PHKA1: variants seen among roughly 807,000 people sequenced by gnomAD.
PHKA1 encodes the protein phosphorylase kinase regulatory subunit alpha 1, also known as phosphorylase b kinase regulatory subunit alpha, skeletal muscle isoform.
Under a neutral mutation model 110.2 loss-of-function variants are expected in PHKA1, and 60 were observed. The observed-to-expected ratio is 0.54, with a 90% CI of 0.44 to 0.68. PHKA1 has a LOEUF of 0.68. PHKA1 is among the 30% of genes least tolerant of loss of function. The pLI is 0.00. For synonymous variants in PHKA1, 316 were observed against 333.6 expected (o/e 0.95, Z 0.58); for missense variants, 801 against 942.5 (o/e 0.85, Z 1.97).
At chrX:72,611,902 T>C (rs2052815424) in intron 21 of PHKA1, among the ~76,000 whole-genome samples, 4 of 111,872 alleles carry the variant, frequency 3.6e-5, no homozygotes, top group Non-Finnish European at 7.5e-5. Flanking sequence ...ATTGAAAATA[T>C]TTAAAAACAG....
At chrX:72,643,516 T>G (rs1250110161) in intron 14 of PHKA1, among the ~76,000 whole-genome samples, 7 of 112,152 alleles carry the variant, frequency 6.2e-5, no homozygotes, top group African/African-American at 2.3e-4. Flanking sequence ...TCAGCAGGGT[T>G]GATTCCTTCT....
Position 72,673,945 on chromosome X carries a change from T to A in PHKA1, c.618+2125A>T, listed in dbSNP as rs1407603027. Among the ~76,000 whole-genome samples the A allele has an allele frequency of 1.6e-4, 13 of 81,507 alleles. No individual in the cohort carries two copies. In the East Asian group the frequency reaches 2.3e-3, roughly 14 times the overall value. 70.8% of individuals were successfully genotyped at this position (81,507 alleles called of 115,157 possible). ...ACATTAGGTATATCTCCTAATGCTA[T>A]CCCTCCCCCCTCCCCCCACCCCACA... On this transcript the variant is annotated intron_variant, in intron 6 of 31. Coordinates refer to ENST00000373542, the MANE Select transcript of PHKA1 (RefSeq NM_002637.4).
intron 25 of PHKA1, 88 bp downstream of exon 25, chrX:72,605,183 G>C (rs1374876556): frequency 2.2e-6 from 2 of 906,312 alleles, no homozygotes; most frequent in Middle Eastern, 2.7e-4. Flanking sequence ...GGATAAAAAT[G>C]TTTTAGCTTT....
At chrX:72,710,840 ATT>A (rs1201811776) in intron 2 of PHKA1, among the ~76,000 whole-genome samples, 192 of 78,778 alleles carry the variant, frequency 2.4e-3, no homozygotes, top group African/African-American at 8.7e-3. Flanking sequence ...TTATTTTTTT[ATT>A]TTTTTTTTTA....
At chrX:72,684,630 G>C (rs781983080) in intron 4 of PHKA1, 50 bp from the exon 5 acceptor site, 1 of 774,530 alleles carries the variant, frequency 1.3e-6, no homozygotes, top group Admixed American at 2.3e-5. Context: ...ATCACTATAA[G>C]CTTTATAGGC....
intron 29 of PHKA1, 138 bp from the exon 30 acceptor site, chrX:72,584,440 G>A (rs781933988): frequency 6.8e-6 from 4 of 591,961 alleles, no homozygotes; most frequent in Non-Finnish European, 1.1e-5. Context: ...GACTAGCAAG[G>A]GGCTCTGCAG....
At chrX:72,686,192 C>T (rs1240758402) in intron 4 of PHKA1, among the ~76,000 whole-genome samples, 1 of 111,799 alleles carries the variant, frequency 8.9e-6, no homozygotes, top group African/African-American at 3.3e-5. Context: ...AGACCTAACA[C>T]GCCCTTCGTA....
chrX:72,618,828 T>A lies in PHKA1; in HGVS notation c.2251A>T (p.Ile751Leu). 4 of 1,205,653 alleles carry A rather than the reference T, an allele frequency of 3.3e-6. No individual in the cohort carries two copies. The highest frequency in any genetic ancestry group is 4.5e-6 in the Non-Finnish European group (4 of 890,083). Residue 751 changes from isoleucine (I) to leucine (L), a missense_variant, in exon 21 of 32, where the codon ATA becomes TTA. By Grantham distance (5) the Ile-to-Leu change is conservative. This residue lies in a region of PHKA1 where 502 missense variants were observed against 519.2 expected (regional missense o/e 0.97). Transcript: ENST00000373542. Reference sequence around the variant, plus strand: ...CCAGACTGGTCTCTAGGAAGATGTATTTCTACACGAACAGAGGGAACCTTT... The same window carrying A: ...CCAGACTGGTCTCTAGGAAGATGTAATTCTACACGAACAGAGGGAACCTTT... ...ENQVPSVRVEIHLPRDQSGEV... is the reference protein window; with the variant it reads ...ENQVPSVRVELHLPRDQSGEV...
At chrX:72,708,995 T>C (rs1454376341) in intron 2 of PHKA1, among the ~76,000 whole-genome samples, 1 of 111,553 alleles carries the variant, frequency 9.0e-6, no homozygotes, top group Non-Finnish European at 1.9e-5. Flanking sequence ...TGAGTTTCCA[T>C]TGTTTTGTAG....
intron 6 of PHKA1, among the ~76,000 whole-genome samples, chrX:72,675,021 TAAA>T (rs74372049): frequency 2.3e-5 from 2 of 87,533 alleles, no homozygotes; most frequent in African/African-American, 4.2e-5. Context: ...CTGTCTCTAC[TAAA>T]AAAAAAAAAA....
At chrX:72,710,383 T>C (rs782407939) in intron 2 of PHKA1, among the ~76,000 whole-genome samples, 2 of 112,184 alleles carry the variant, frequency 1.8e-5, no homozygotes, top group South Asian at 7.4e-4. Context: ...ATAAGCAGCC[T>C]GTACTGGAAT....
At chrX:72,669,531 TC>T (rs2053655677) in intron 6 of PHKA1, among the ~76,000 whole-genome samples, 1 of 30,809 alleles carries the variant, frequency 3.2e-5, no homozygotes, top group African/African-American at 1.5e-4. Flanking sequence ...CCCTCCCCCC[TC>T]CCCCCACCCC....
intron 6 of PHKA1, among the ~76,000 whole-genome samples, chrX:72,668,671 G>T (rs1260902913): frequency 9.0e-6 from 1 of 110,576 alleles, no homozygotes; most frequent in Non-Finnish European, 1.9e-5. Context: ...AGACCTATAG[G>T]GTAAGTAGAA....
At chrX:72,626,457 CTT>C (rs1190611904) in intron 17 of PHKA1, among the ~76,000 whole-genome samples, 1 of 110,564 alleles carries the variant, frequency 9.0e-6, no homozygotes, top group African/African-American at 3.3e-5. Flanking sequence ...GTAGGAAAAA[CTT>C]CCAACCTTCC....
intron 16 of PHKA1, among the ~76,000 whole-genome samples, chrX:72,631,963 T>C (rs1478957059): frequency 8.9e-6 from 1 of 112,257 alleles, no homozygotes; most frequent in Non-Finnish European, 1.9e-5. Flanking sequence ...CTAAGAAGCA[T>C]ATAATTTCAA....
At chrX:72,681,362 C>T (rs1156305497) in intron 5 of PHKA1, among the ~76,000 whole-genome samples, 6 of 111,340 alleles carry the variant, frequency 5.4e-5, no homozygotes, top group East Asian at 5.7e-4. Flanking sequence ...GGAGCCTCTC[C>T]GCCCGGCAGC....
intron 26 of PHKA1, 44 bp from the exon 27 acceptor site, chrX:72,602,317 G>C: frequency 1.2e-6 from 1 of 818,516 alleles, no homozygotes. Flanking sequence ...AGGATAATAA[G>C]GTTCAATTTC....
At chrX:72,667,609 A>G in intron 6 of PHKA1, 136 bp from the exon 7 acceptor site, 4 of 511,430 alleles carry the variant, frequency 7.8e-6, no homozygotes, top group Non-Finnish European at 1.3e-5. Context: ...ATACAAAAAC[A>G]TTATTTATTC....
At chrX:72,709,906 G>A (rs1421005644) in intron 2 of PHKA1, among the ~76,000 whole-genome samples, 1 of 109,147 alleles carries the variant, frequency 9.2e-6, no homozygotes, top group Non-Finnish European at 1.9e-5. Flanking sequence ...AGCCGGGTGT[G>A]GTGGTGCACG....
Sources: gnomAD v4.1 joint callset for allele counts (sites outside exome capture counted in the v4.1 genomes callset) on GRCh38, gnomAD v4.1.1 for gene constraint, gnomAD v4.1.1 regional missense constraint, MANE v1.5 for transcripts, NCBI Gene and HGNC (gene_info 2026-07-23, HGNC 2026-07-21) for gene names.